Variants in COG5 observed in about 807,000 individuals in gnomAD.
COG5 encodes the protein component of oligomeric golgi complex 5, also known as conserved oligomeric Golgi complex subunit 5.
COG5 carries 86 observed loss-of-function variants against 110.4 expected under a neutral mutation model. The ratio of observed to expected loss-of-function variants is 0.78; its 90% confidence interval spans 0.65 to 0.93. The LOEUF (loss-of-function observed/expected upper bound fraction) is 0.93, where lower values mean the gene tolerates loss of function less well. COG5 is among the 40% of genes least tolerant of loss of function. The probability of loss-of-function intolerance (pLI) is 0.00; values close to 1 mark genes in which losing one functional copy is unlikely to be tolerated. For synonymous variants in COG5, 360 were observed against 334.6 expected (o/e 1.08, Z -0.83); for missense variants, 1,077 against 987.0 (o/e 1.09, Z -1.22).
intron 6 of COG5, among the ~76,000 whole-genome samples, chr7:107,435,583 G>A (rs111503123): frequency 1.3e-5 from 2 of 152,050 alleles, no homozygotes; most frequent in African/African-American, 2.4e-5. Flanking sequence ...AACCCAGGAG[G>A]CAAGGGTTGC....
chr7:107,415,912 ATG>A lies in COG5; in HGVS notation c.539-3282_539-3281del, dbSNP rs765454031. Among the ~76,000 whole-genome samples, 50 of 79,158 alleles carry A rather than the reference ATG, an allele frequency of 6.3e-4. 7 individuals are homozygous for A. The highest frequency in any genetic ancestry group is 2.1e-3 in the East Asian group (7 of 3,374). The allele number at this position is 79,158 out of a possible 152,430, so 51.9% of individuals were successfully genotyped here. ...TACACACACATACACGTATGTATGTATGTGTGTGTATATACACACACATACAC... is the reference window on the plus strand; with the variant it reads ...TACACACACATACACGTATGTATGTATGTGTGTATATACACACACATACAC... On this transcript the variant is annotated intron_variant, in intron 6 of 21. Transcript: ENST00000297135.
At chr7:107,361,851 C>T (rs770481821) in intron 10 of COG5, among the ~76,000 whole-genome samples, 182 bp downstream of exon 10, 79 of 152,188 alleles carry the variant, frequency 5.2e-4, no homozygotes, top group Non-Finnish European at 8.7e-4. Context: ...TGACCCACCA[C>T]GCCCAGCCCC....
chr7:107,358,579 G>C (rs1210655760), intron 10 of COG5, among the ~76,000 whole-genome samples: 1 of 152,164 alleles, frequency 6.6e-6, no homozygotes, highest in Non-Finnish European at 1.5e-5. Flanking sequence ...TATTTGGCTA[G>C]CATCTAGGAA....
chr7:107,450,555 T>G (rs1005355602), intron 6 of COG5, among the ~76,000 whole-genome samples: 2 of 152,164 alleles, frequency 1.3e-5, no homozygotes, highest in African/African-American at 4.8e-5. Context: ...TGGACAAAAG[T>G]ACCCTATTCT....
intron 10 of COG5, among the ~76,000 whole-genome samples, chr7:107,353,594 A>T (rs902862116): frequency 6.6e-6 from 1 of 152,196 alleles, no homozygotes; most frequent in Non-Finnish European, 1.5e-5. Context: ...TTAATGCAGA[A>T]GCAGAATTAG....
chr7:107,458,432 T>A (rs7782057), intron 6 of COG5, among the ~76,000 whole-genome samples: 42,061 of 152,112 alleles, frequency 0.28, 5,856 homozygotes, highest in East Asian at 0.33. Context: ...AAGGGGCCAA[T>A]AGAAATTATA....
intron 6 of COG5, among the ~76,000 whole-genome samples, chr7:107,462,514 T>C (rs1249548521): frequency 6.7e-6 from 1 of 149,204 alleles, no homozygotes; most frequent in East Asian, 2.0e-4. Flanking sequence ...GGGTAAGGGG[T>C]CAGAGGGGAG....
intron 21 of COG5, among the ~76,000 whole-genome samples, chr7:107,206,255 G>A (rs748373504): frequency 5.9e-5 from 9 of 152,112 alleles, no homozygotes; most frequent in African/African-American, 1.9e-4. Flanking sequence ...GCCAGAAGAA[G>A]TGTAGCTGTT....
At chr7:107,236,223 A>C (rs1801177446) in intron 18 of COG5, among the ~76,000 whole-genome samples, 1 of 152,208 alleles carries the variant, frequency 6.6e-6, no homozygotes, top group African/African-American at 2.4e-5. Context: ...TTAACCTTGA[A>C]ATACCAAAGA....
At chr7:107,328,574 A>ATGCTT (rs2129029532) in intron 10 of COG5, among the ~76,000 whole-genome samples, 1 of 152,246 alleles carries the variant, frequency 6.6e-6, no homozygotes, top group East Asian at 1.9e-4. Context: ...AAATAGTCAA[A>ATGCTT]CTCTTAGAAG....
chr7:107,539,529 A>G (rs1054171503), intron 5 of COG5, among the ~76,000 whole-genome samples: 1 of 152,230 alleles, frequency 6.6e-6, no homozygotes, highest in Admixed American at 6.5e-5. Flanking sequence ...AGATTAGTTG[A>G]GAGCTTGGCG....
intron 8 of COG5, among the ~76,000 whole-genome samples, chr7:107,365,596 CAAAAAAAAAAAAAA>C (rs71134263): frequency 8.2e-5 from 3 of 36,690 alleles, no homozygotes; most frequent in South Asian, 1.5e-3. Context: ...TGCAAAATGA[CAAAAAAAAAAAAAA>C]AAAAAAAAAA....
intron 7 of COG5, among the ~76,000 whole-genome samples, chr7:107,396,810 T>A (rs887456682): frequency 6.6e-6 from 1 of 152,156 alleles, no homozygotes; most frequent in Non-Finnish European, 1.5e-5. Context: ...TATTAGATAA[T>A]AGTAATTAAT....
chr7:107,452,480 C>T (rs888549326), intron 6 of COG5, among the ~76,000 whole-genome samples: 2 of 152,082 alleles, frequency 1.3e-5, no homozygotes, highest in Admixed American at 6.6e-5. Flanking sequence ...GTAATTGAAT[C>T]GTGGCAGCGG....
At chr7:107,545,270 G>C (rs556047916) in intron 5 of COG5, among the ~76,000 whole-genome samples, 48 of 152,186 alleles carry the variant, frequency 3.2e-4, no homozygotes, top group African/African-American at 1.1e-3. Context: ...TCCAGGTATA[G>C]GAAACTCAAA....
intron 3 of COG5, among the ~76,000 whole-genome samples, chr7:107,550,927 T>A (rs965265279): frequency 6.6e-6 from 1 of 151,636 alleles, no homozygotes; most frequent in African/African-American, 2.4e-5. Flanking sequence ...GACCAGAACA[T>A]AGTTCCAAAA....
chr7:107,558,596 T>C (rs901279314), intron 1 of COG5, among the ~76,000 whole-genome samples: 1 of 138,658 alleles, frequency 7.2e-6, no homozygotes, highest in Non-Finnish European at 1.6e-5. Flanking sequence ...AGAGCAAGAC[T>C]TTATCTCTGG....
intron 3 of COG5, among the ~76,000 whole-genome samples, chr7:107,553,222 AC>A (rs575017557): frequency 2.6e-5 from 4 of 151,930 alleles, no homozygotes; most frequent in South Asian, 2.1e-4. Context: ...CTACACATAT[AC>A]CCCCCCGGAT....
intron 6 of COG5, among the ~76,000 whole-genome samples, chr7:107,436,612 G>T (rs1176661895): frequency 6.6e-6 from 1 of 152,080 alleles, no homozygotes; most frequent in Admixed American, 6.5e-5. Context: ...ATTTTGTTAT[G>T]CATATTTTAT....
Sources: allele counts gnomAD v4.1 joint callset (sites outside exome capture counted in the v4.1 genomes callset), GRCh38; gene constraint gnomAD v4.1.1; transcripts MANE v1.5; gene names NCBI Gene and HGNC (gene_info 2026-07-23, HGNC 2026-07-21).